ABCA3: variants seen among roughly 807,000 people sequenced by gnomAD.
ABCA3 encodes the protein phospholipid-transporting ATPase ABCA3.
ABCA3 carries 88 observed loss-of-function variants against 172.8 expected under a neutral mutation model. The observed-to-expected ratio is 0.51, with a 90% CI of 0.43 to 0.61. The LOEUF is 0.61. Among genes scored for constraint, ABCA3 ranks in the 20% least tolerant of loss-of-function variants. The pLI, the probability that ABCA3 is intolerant of heterozygous loss-of-function variation, is 0.00. For synonymous variants in ABCA3, 1,066 were observed against 983.8 expected, an observed-to-expected ratio of 1.08 and a Z score of -1.56; for missense variants, 2,164 against 2,301.0, an observed-to-expected ratio of 0.94 and a Z score of 1.22.
intron 7 of ABCA3, among the ~76,000 whole-genome samples, chr16:2,321,581 GGTCTTTCT>G (rs2093726188): frequency 6.6e-6 from 1 of 152,014 alleles, no homozygotes; most frequent in African/African-American, 2.4e-5. Context: ...CCTGCAGTGG[GGTCTTTCT>G]TGGCCTGACA....
rs371756212 is a variant in ABCA3 at position 2,295,650 on chromosome 16, G to A, written c.2354C>T (p.Thr785Met). 9.3e-6 allele frequency: 15 copies of A among 1,613,940 alleles called. No individual in the cohort carries two copies. The highest frequency in any genetic ancestry group is 2.2e-5 in the East Asian group (1 of 44,898). The stretch of plus-strand genomic sequence containing the variant: ...CTCGGCCCCAGCGCTGCTCTCCAGC[G>A]TGGCGTTGGGCACGTGGTGGTGGAC... ...QLVHHHVPNA[T>M]LESSAGAELS... Residue 785 changes from threonine to methionine, a missense_variant, in exon 18 of 33, where the codon ACG becomes ATG. Thr to Met is a moderately conservative substitution (Grantham distance 81). Transcript: ENST00000301732.
At position 2,317,675 on chromosome 16, in the gene ABCA3, G is replaced by A; in HGVS notation, c.963C>T (p.Ser321=). The A allele has an allele frequency of 1.2e-6, 2 of 1,614,252 alleles. No individual in the cohort carries two copies. The highest frequency in any genetic ancestry group is 1.7e-6 in the Non-Finnish European group (2 of 1,180,036). Residue 321 remains serine, a synonymous_variant, in exon 9 of 33, where the codon TCC becomes TCT. Coordinates refer to ENST00000301732, the MANE Select transcript of ABCA3 (RefSeq NM_001089.3). The part of the protein sequence containing the change: ...LFFLFLLIAA[S]FMTLLFCVKV... Reference sequence around the variant, plus strand: ...TGACACAGAAGAGCAGGGTCATGAAGGAGGCGGCGATGAGGAGGAAGAGGA... The same window carrying A: ...TGACACAGAAGAGCAGGGTCATGAAAGAGGCGGCGATGAGGAGGAAGAGGA...
rs1043706336 is a variant in ABCA3, at chr16:2,284,604, C to T, written c.3704-167G>A. On this transcript the variant is annotated intron_variant, in intron 24 of 32. Coordinates refer to ENST00000301732, the MANE Select transcript of ABCA3 (RefSeq NM_001089.3). This position sits in a 1 kb window ranked among gnomAD's most constrained non-coding sequence, Gnocchi z 5.9. ...CTGCACAGGGCAAGGACGCCGCAGA[C>T]GCCTGCCCACCAGTCATGGCTAGCC... Among the ~76,000 whole-genome samples, 13 of 152,168 alleles carry T rather than the reference C, an allele frequency of 8.5e-5. No homozygotes were observed. The highest frequency in any genetic ancestry group is 1.5e-4 in the Non-Finnish European group (10 of 68,024).
At chr16:2,312,266 G>A (rs1042906128) in intron 10 of ABCA3, among the ~76,000 whole-genome samples, 6 of 152,090 alleles carry the variant, frequency 3.9e-5, no homozygotes, top group African/African-American at 1.2e-4. Context: ...CCAAACACCC[G>A]AGGGGGAATA....
chr16:2,317,390 A>C lies in ABCA3; in HGVS notation c.1004T>G (p.Val335Gly). 1 of 1,613,842 alleles carries C rather than the reference A, an allele frequency of 6.2e-7. No homozygotes were observed. Among genetic ancestry groups the C allele is most frequent in the South Asian group, 1.1e-5 (1 of 91,082 alleles). The change falls in exon 10 of 33, where the codon GTA becomes GGA. Residue 335 changes from valine (V) to glycine (G), a missense_variant. Around this residue, in one of 3 missense-constraint regions of ABCA3, gnomAD observed 1,343 missense variants for 1,369.6 expected, o/e 0.98. Transcript: ENST00000301732. ...GGGGTCGCTGCGGGACAGCACGGCT[A>C]CATTTGGCTTCACCTGCAGGGCACA... The part of the protein sequence containing the change: ...LLFCVKVKPN[V>G]AVLSRSDPSL...
chr16:2,340,411 G>A (rs1224872940), intron 1 of ABCA3, among the ~76,000 whole-genome samples, 162 bp downstream of exon 1: 1 of 151,288 alleles, frequency 6.6e-6, no homozygotes, highest in Non-Finnish European at 1.5e-5. Context: ...CGCGGGCGCG[G>A]CCGGAGGGGA....
At chr16:2,304,782 T>C (rs1338221333) in intron 11 of ABCA3, among the ~76,000 whole-genome samples, 2 of 151,698 alleles carry the variant, frequency 1.3e-5, no homozygotes, top group Non-Finnish European at 2.9e-5. Context: ...TTCACGCCAT[T>C]CTCCTGCCTC....
chr16:2,315,428 G>A (rs945231698), intron 10 of ABCA3, among the ~76,000 whole-genome samples: 3 of 152,136 alleles, frequency 2.0e-5, no homozygotes, highest in African/African-American at 7.2e-5. Flanking sequence ...ACACCTATCT[G>A]TGGAGAATTT....
chr16:2,307,789 T>C (rs1043154897), intron 11 of ABCA3, among the ~76,000 whole-genome samples: 1 of 152,172 alleles, frequency 6.6e-6, no homozygotes, highest in Middle Eastern at 3.4e-3. Context: ...GTGTTTTTAG[T>C]AGAGACAGGG....
Position 2,293,889 on chromosome 16 carries a change from C to T in ABCA3, c.2415-1651G>A, listed in dbSNP as rs142744202. Among the ~76,000 whole-genome samples, 648 of 151,976 alleles carry T rather than the reference C, an allele frequency of 4.3e-3. 6 individuals carry two copies. Among genetic ancestry groups the T allele is most frequent in the African/African-American group, 0.015 (602 of 41,468 alleles). On this transcript the variant is annotated intron_variant, in intron 18 of 32. Transcript: ENST00000301732. ...TAGAGATGGGGTCTCACTATGTCGCCCAAGCTGATCTCCTTCTCCTTCTGC... is the reference window on the plus strand; with the variant it reads ...TAGAGATGGGGTCTCACTATGTCGCTCAAGCTGATCTCCTTCTCCTTCTGC...
chr16:2,315,969 T>C (rs558464658), intron 10 of ABCA3, among the ~76,000 whole-genome samples: 5 of 149,248 alleles, frequency 3.4e-5, no homozygotes, highest in Admixed American at 1.4e-4. Flanking sequence ...AGGTGTGAGC[T>C]ACCATGCCTG....
Position 2,278,196 on chromosome 16 carries a change from G to T in ABCA3, c.4718+92C>A. The T allele has an allele frequency of 6.3e-7, 1 of 1,596,842 alleles. No homozygotes were observed. The highest frequency in any genetic ancestry group is 8.5e-7 in the Non-Finnish European group (1 of 1,175,314). On this transcript the variant is annotated intron_variant, in intron 30 of 32. Coordinates refer to ENST00000301732, the MANE Select transcript of ABCA3 (RefSeq NM_001089.3). This position sits in a 1 kb window ranked among gnomAD's most constrained non-coding sequence, Gnocchi z 4.4. ...TCAGTGTGGCTCACGGGCAGACTCT[G>T]CACCAGATGCTGATGGGTCTCCTGG...
intron 17 of ABCA3, among the ~76,000 whole-genome samples, chr16:2,296,240 T>C (rs1435448593): frequency 6.6e-6 from 1 of 152,006 alleles, no homozygotes; most frequent in African/African-American, 2.4e-5. Flanking sequence ...ATGTCCTTTT[T>C]TTTTTTTTTG....
At chr16:2,324,353 C>A in intron 6 of ABCA3, 51 bp downstream of exon 6, 1 of 1,546,118 alleles carries the variant, frequency 6.5e-7, no homozygotes, top group Non-Finnish European at 8.7e-7. Flanking sequence ...CGGGAGGAAG[C>A]GGAGGCCTTG....
intron 1 of ABCA3, chr16:2,332,861 C>T: frequency 3.6e-6 from 2 of 550,400 alleles, no homozygotes; most frequent in Non-Finnish European, 6.5e-6. Context: ...GGTTGGAGTG[C>T]CGTTGCGTGA....
In ABCA3 at chr16:2,277,251, C is replaced by T. The variant is rs972655230; in HGVS notation, c.4983+346G>A. 6.6e-5 allele frequency among the ~76,000 whole-genome samples: 10 copies of T among 152,054 alleles called. No homozygotes were observed. The highest frequency in any genetic ancestry group is 1.5e-5 in the Non-Finnish European group (1 of 67,984). ...GCTGGGACTACAGGTATGCATGATA[C>T]CTGGCTAATTTTTAAATTTTTTGTA... On this transcript the variant is annotated intron_variant, in intron 32 of 32. Coordinates refer to ENST00000301732, the MANE Select transcript of ABCA3 (RefSeq NM_001089.3). The surrounding 1 kb of genome is among the most constrained non-coding windows in gnomAD (Gnocchi z 5.3).
rs2093681264 is a variant in ABCA3, at chr16:2,297,296, C to G, written c.2263+33G>C. 4 of 1,605,166 alleles carry G rather than the reference C, an allele frequency of 2.5e-6. No individual in the cohort carries two copies. Among genetic ancestry groups the G allele is most frequent in the Non-Finnish European group, 3.4e-6 (4 of 1,179,040 alleles). On this transcript the variant is annotated intron_variant, in intron 17 of 32. Transcript: ENST00000301732. This position sits in a 1 kb window ranked among gnomAD's most constrained non-coding sequence, Gnocchi z 5.6. ...TTCCCTCAGCACGGCAGCCAGGACA[C>G]CGACCCTGTCGCGGGCTGGCCCCAC...
chr16:2,311,477 T>A (rs2093706624), intron 10 of ABCA3, among the ~76,000 whole-genome samples: 1 of 152,198 alleles, frequency 6.6e-6, no homozygotes, highest in Non-Finnish European at 1.5e-5. Context: ...ACGAACTTTT[T>A]GCGCTCTGTT....
chr16:2,308,130 C>A (rs1356316961), intron 11 of ABCA3, among the ~76,000 whole-genome samples: 1 of 152,210 alleles, frequency 6.6e-6, no homozygotes, highest in African/African-American at 2.4e-5. Context: ...TAGATCCCAC[C>A]ATCAGTCAGA....
Sources: gnomAD v4.1 joint callset for allele counts (sites outside exome capture counted in the v4.1 genomes callset) on GRCh38, gnomAD v4.1.1 for gene constraint, gnomAD v4.1.1 regional missense constraint, Gnocchi (gnomAD v3.1) non-coding constraint, MANE v1.5 for transcripts, NCBI Gene and HGNC (gene_info 2026-07-23, HGNC 2026-07-21) for gene names.